WDR70: variants seen among roughly 807,000 people sequenced by gnomAD.
The protein encoded by WDR70 is WD repeat-containing protein 70.
In WDR70, 53 loss-of-function variants were observed where a neutral mutation model predicts 88.6. That is an observed-to-expected ratio of 0.60 (90% CI 0.48 to 0.75). The LOEUF is 0.75. Ranked by LOEUF, WDR70 falls within the 30% of genes least tolerant of loss-of-function variation. The probability of loss-of-function intolerance (pLI) is 0.00; values close to 1 mark genes in which losing one functional copy is unlikely to be tolerated. For missense variants in WDR70, 610 were observed against 823.2 expected (o/e 0.74, Z 3.17); for synonymous variants, 280 against 270.0 (o/e 1.04, Z -0.36).
chr5:37,519,952 C>T (rs1195383747), intron 9 of WDR70, among the ~76,000 whole-genome samples: 1 of 152,136 alleles, frequency 6.6e-6, no homozygotes, highest in African/African-American at 2.4e-5. Flanking sequence ...GGTTAAGATT[C>T]TTTTGCATTT....
chr5:37,553,609 A>C (rs1484520819), intron 9 of WDR70, among the ~76,000 whole-genome samples: 2 of 152,130 alleles, frequency 1.3e-5, no homozygotes, highest in African/African-American at 4.8e-5. Flanking sequence ...GGCTGTGTAA[A>C]ATGTATCTTC....
intron 9 of WDR70, among the ~76,000 whole-genome samples, chr5:37,566,693 T>G (rs930803942): frequency 2.6e-5 from 4 of 152,202 alleles, no homozygotes; most frequent in African/African-American, 9.6e-5. Flanking sequence ...CTGTGCTACT[T>G]GATTGTTTGA....
chr5:37,478,333 C>G (rs751503166), intron 7 of WDR70, among the ~76,000 whole-genome samples: 1 of 152,222 alleles, frequency 6.6e-6, no homozygotes, highest in Non-Finnish European at 1.5e-5. Flanking sequence ...GGTTGCCCTA[C>G]TGTGGCATGT....
intron 9 of WDR70, among the ~76,000 whole-genome samples, chr5:37,545,621 C>T (rs1477749403): frequency 6.6e-6 from 1 of 151,962 alleles, no homozygotes; most frequent in African/African-American, 2.4e-5. Flanking sequence ...CAACCTCCGC[C>T]TCCCGGCTTC....
intron 3 of WDR70, among the ~76,000 whole-genome samples, chr5:37,382,933 A>C (rs13160960): frequency 1.3e-4 from 20 of 151,950 alleles, no homozygotes; most frequent in Admixed American, 1.0e-3. Context: ...GAATCGCTTG[A>C]ACCTGGGAGG....
intron 5 of WDR70, among the ~76,000 whole-genome samples, chr5:37,432,139 C>T (rs185160900): frequency 1.4e-4 from 21 of 151,990 alleles, no homozygotes; most frequent in African/African-American, 5.1e-4. Flanking sequence ...AGCTGTTTTC[C>T]GTAGTAGCTA....
intron 5 of WDR70, among the ~76,000 whole-genome samples, chr5:37,415,519 C>T (rs1422536934): frequency 1.6e-5 from 1 of 63,246 alleles, no homozygotes; most frequent in African/African-American, 3.9e-5. Flanking sequence ...CCTGACCCCC[C>T]CACCTCACCT....
intron 13 of WDR70, among the ~76,000 whole-genome samples, chr5:37,719,762 A>T (rs560702377): frequency 1.3e-5 from 2 of 148,530 alleles, no homozygotes; most frequent in African/African-American, 4.9e-5. Flanking sequence ...CCATTTACCT[A>T]TTTTTTTTTG....
At chr5:37,673,583 A>ACCCCCCCTCCCCC (rs1746094993) in intron 10 of WDR70, among the ~76,000 whole-genome samples, 1 of 76,228 alleles carries the variant, frequency 1.3e-5, no homozygotes, top group African/African-American at 5.4e-5. Flanking sequence ...GACTTTTCTT[A>ACCCCCCCTCCCCC]CCCCCCCCCC....
At chr5:37,703,696 C>T (rs62358860) in intron 13 of WDR70, among the ~76,000 whole-genome samples, 1 of 152,150 alleles carries the variant, frequency 6.6e-6, no homozygotes, top group Non-Finnish European at 1.5e-5. Context: ...TGTTCATGTC[C>T]TGAGACTGAG....
intron 11 of WDR70, among the ~76,000 whole-genome samples, chr5:37,698,113 A>G (rs1747036222): frequency 6.6e-6 from 1 of 152,114 alleles, no homozygotes; most frequent in Non-Finnish European, 1.5e-5. Context: ...TGGTACTTCA[A>G]AGTCTTCTAT....
At chr5:37,679,979 G>T (rs558391315) in intron 10 of WDR70, among the ~76,000 whole-genome samples, 2 of 152,202 alleles carry the variant, frequency 1.3e-5, no homozygotes, top group Admixed American at 1.3e-4. Context: ...CTTGCAGTTT[G>T]ATCTCACACT....
chr5:37,686,051 C>T (rs542089278), intron 10 of WDR70, among the ~76,000 whole-genome samples: 6 of 152,218 alleles, frequency 3.9e-5, no homozygotes, highest in African/African-American at 9.6e-5. Flanking sequence ...GCCCAAATCT[C>T]CCCCAACACT....
Position 37,751,508 on chromosome 5 carries a change from C to T in WDR70, c.1878-978C>T, listed in dbSNP as rs972788034. ...AGTTGTGGATGGTTTATGCTTTTTC[C>T]CCAGGATAATAAAAAAGCAGCAAGA... On this transcript the variant is annotated intron_variant, in intron 17 of 17. Coordinates refer to ENST00000265107, the MANE Select transcript of WDR70 (RefSeq NM_018034.4). Among the ~76,000 whole-genome samples, 12 of 152,066 alleles carry T rather than the reference C, an allele frequency of 7.9e-5. No homozygotes were observed. The South Asian group carries it at 1.0e-3, about 13-fold the overall frequency.
Position 37,721,203 on chromosome 5 carries a change from A to G in WDR70, c.1505A>G (p.Asn502Ser), listed in dbSNP as rs370563617. ...NGLAKVYYDP[N>S]KSQRGAKLCV... Reference sequence around the variant, plus strand: ...TTGGCTAAAGTCTATTACGACCCCAACAAGAGTCAGAGGTATTTCATAAGT... The same window carrying G: ...TTGGCTAAAGTCTATTACGACCCCAGCAAGAGTCAGAGGTATTTCATAAGT... Residue 502 changes from asparagine to serine, a missense_variant, in exon 14 of 18, where the codon AAC becomes AGC. Transcript: ENST00000265107. 7 of 1,613,578 alleles carry G rather than the reference A, an allele frequency of 4.3e-6. No individual in the cohort carries two copies. The highest frequency in any genetic ancestry group is 5.9e-6 in the Non-Finnish European group (7 of 1,179,654).
At chr5:37,652,310 G>T (rs1403625113) in intron 10 of WDR70, among the ~76,000 whole-genome samples, 1 of 152,164 alleles carries the variant, frequency 6.6e-6, no homozygotes, top group Non-Finnish European at 1.5e-5. Context: ...ATCTGTTTTG[G>T]TACCAGCACC....
chr5:37,458,113 T>C (rs1738900586), intron 7 of WDR70, among the ~76,000 whole-genome samples: 1 of 72,064 alleles, frequency 1.4e-5, no homozygotes, highest in East Asian at 3.6e-4. Context: ...GCTCTGTTTA[T>C]ATGCTGGATT....
chr5:37,453,695 T>C (rs1326815236), intron 7 of WDR70, among the ~76,000 whole-genome samples: 1 of 152,204 alleles, frequency 6.6e-6, no homozygotes, highest in Non-Finnish European at 1.5e-5. Flanking sequence ...GACATTTTCA[T>C]GGTAAAATTA....
intron 9 of WDR70, among the ~76,000 whole-genome samples, chr5:37,533,259 C>T (rs1479566503): frequency 6.6e-6 from 1 of 152,192 alleles, no homozygotes; most frequent in East Asian, 1.9e-4. Context: ...GGAGGTGGTG[C>T]TTTCAAGAGT....
Sources: allele counts gnomAD v4.1 joint callset (sites outside exome capture counted in the v4.1 genomes callset), GRCh38; gene constraint gnomAD v4.1.1; transcripts MANE v1.5; gene names NCBI Gene and HGNC (gene_info 2026-07-23, HGNC 2026-07-21).